DPY19L1: variants seen among roughly 807,000 people sequenced by gnomAD.
DPY19L1 encodes the protein dpy-19 like C-mannosyltransferase 1.
DPY19L1 carries 35 observed loss-of-function variants against 96.9 expected under a neutral mutation model. The ratio of observed to expected loss-of-function variants is 0.36; its 90% CI spans 0.28 to 0.48. The LOEUF (loss-of-function observed/expected upper bound fraction) is 0.48. Ranked by LOEUF, DPY19L1 falls within the 20% of genes least tolerant of loss-of-function variation. The pLI is 0.99. For synonymous variants in DPY19L1, 205 were observed against 252.6 expected (o/e 0.81, Z 1.79); for missense variants, 521 against 777.9 (o/e 0.67, Z 3.93).
intron 1 of DPY19L1, among the ~76,000 whole-genome samples, chr7:35,022,547 T>G (rs890304480): frequency 1.3e-5 from 2 of 152,178 alleles, no homozygotes; most frequent in African/African-American, 2.4e-5. Context: ...CTACTGAAAA[T>G]AATTCATCTC....
At chr7:35,033,677 C>G (rs1786317886) in intron 1 of DPY19L1, among the ~76,000 whole-genome samples, 1 of 152,060 alleles carries the variant, frequency 6.6e-6, no homozygotes, top group Admixed American at 6.6e-5. Context: ...CCACATTGCT[C>G]CCCCCATCTA....
rs184635202 is a variant in DPY19L1 at position 34,970,626 on chromosome 7, C to G, written c.915-1094G>C. Among the ~76,000 whole-genome samples the G allele has an allele frequency of 6.2e-3, 945 of 152,142 alleles. 7 individuals carry two copies. Among genetic ancestry groups the G allele is most frequent in the African/African-American group, 0.021 (884 of 41,518 alleles). On this transcript the variant is annotated intron_variant, in intron 8 of 21. Transcript: ENST00000638088. ...TTGAAAGCCACTATCTAAAATAAAG[C>G]ATTTCTCTACTGCTTTTGAATACTA...
chr7:34,943,853 T>A (rs1178303170), intron 16 of DPY19L1, among the ~76,000 whole-genome samples: 3 of 152,002 alleles, frequency 2.0e-5, no homozygotes, highest in African/African-American at 7.3e-5. Flanking sequence ...TCACCTCAAA[T>A]GAAAAATTTC....
At position 35,011,274 on chromosome 7, in the gene DPY19L1, G is replaced by C. The variant is rs183629626; in HGVS notation, c.670+56C>G. The C allele has an allele frequency of 2.1e-3, 3,242 of 1,578,464 alleles. 5 individuals are homozygous for C. Among genetic ancestry groups the C allele is most frequent in the Admixed American group, 3.7e-3 (206 of 56,352 alleles). ...TTTACAGTGTAAGTTTATTATGCTA[G>C]ATAAGTTTATTATGTTACAACAGAT... On this transcript the variant is annotated intron_variant, in intron 5 of 21. Transcript: ENST00000638088.
intron 10 of DPY19L1, among the ~76,000 whole-genome samples, chr7:34,959,927 A>ATATATATATATATAAATATATATATT (rs1784465893): frequency 4.4e-4 from 12 of 27,388 alleles, no homozygotes; most frequent in African/African-American, 2.5e-3. Flanking sequence ...ATATATATTT[A>ATATATATATATATAAATATATATATT]TATATATATA....
chr7:35,011,451 C>G lies in DPY19L1; in HGVS notation c.550-1G>C. The G allele has an allele frequency of 6.3e-7, 1 of 1,594,768 alleles. No homozygotes were observed. Among genetic ancestry groups the G allele is most frequent in the Non-Finnish European group, 8.5e-7 (1 of 1,174,530 alleles). Reference sequence around the variant, plus strand: ...TCCGGTACCAACTGGCCAAAATTACCTATTTTAAAAAATACAGAGGCATCT... The same window carrying G: ...TCCGGTACCAACTGGCCAAAATTACGTATTTTAAAAAATACAGAGGCATCT... On this transcript the variant is annotated splice_acceptor_variant, in intron 4 of 21. Transcript: ENST00000638088. LOFTEE classifies it high-confidence loss of function.
At chr7:35,025,143 T>C (rs776436356) in intron 1 of DPY19L1, among the ~76,000 whole-genome samples, 1 of 152,186 alleles carries the variant, frequency 6.6e-6, no homozygotes, top group Non-Finnish European at 1.5e-5. Context: ...AGACATTCTT[T>C]AGGATCCAGC....
At chr7:34,963,697 CGTGTGTGTGTGTGCGT>C (rs1732637082) in intron 10 of DPY19L1, among the ~76,000 whole-genome samples, 1 of 150,280 alleles carries the variant, frequency 6.7e-6, no homozygotes, top group Non-Finnish European at 1.5e-5. Flanking sequence ...TAAGCAGAAT[CGTGTGTGTGTGTGCGT>C]GTGTGTGTGT....
At chr7:35,011,131 T>C (rs1007040877) in intron 5 of DPY19L1, among the ~76,000 whole-genome samples, 199 bp downstream of exon 5, 6 of 152,152 alleles carry the variant, frequency 3.9e-5, no homozygotes, top group African/African-American at 2.4e-5. Context: ...ATTTGAGTCT[T>C]AGTAGCAGAG....
At chr7:34,934,573 G>A (rs1783825946) in intron 21 of DPY19L1, among the ~76,000 whole-genome samples, 1 of 152,062 alleles carries the variant, frequency 6.6e-6, no homozygotes, top group Admixed American at 6.5e-5. Context: ...AGCGGTCCCC[G>A]GTCTTTTTGG....
At chr7:34,975,315 A>G (rs1784809516) in intron 7 of DPY19L1, among the ~76,000 whole-genome samples, 1 of 152,248 alleles carries the variant, frequency 6.6e-6, no homozygotes. Flanking sequence ...ATACGCAGAC[A>G]GTTTTAATGT....
At chr7:35,027,567 C>T (rs1435860979) in intron 1 of DPY19L1, among the ~76,000 whole-genome samples, 5 of 151,260 alleles carry the variant, frequency 3.3e-5, no homozygotes, top group African/African-American at 4.9e-5. Context: ...CCATGGCTCA[C>T]GCCTGTAATC....
intron 7 of DPY19L1, among the ~76,000 whole-genome samples, chr7:34,979,900 T>C (rs556004957): frequency 2.0e-3 from 299 of 152,084 alleles, no homozygotes; most frequent in African/African-American, 6.8e-3. Flanking sequence ...GAGAGGGAAG[T>C]AGTGACAAAC....
At chr7:34,981,475 C>T (rs976313821) in intron 7 of DPY19L1, among the ~76,000 whole-genome samples, 4 of 152,030 alleles carry the variant, frequency 2.6e-5, no homozygotes, top group African/African-American at 9.7e-5. Flanking sequence ...AAGTATCATC[C>T]CTCATTTCAC....
At chr7:34,990,042 T>C in intron 6 of DPY19L1, 101 bp from the exon 7 acceptor site, 1 of 859,444 alleles carries the variant, frequency 1.2e-6, no homozygotes, top group Middle Eastern at 2.3e-4. Flanking sequence ...TTATATAAGA[T>C]TTTATAGTCA....
In DPY19L1 at chr7:34,931,480, T is replaced by C. The variant is rs1783750894; in HGVS notation, c.*93A>G. ...TTTTCTATTTGAAAACAGTTACCTA[T>C]AAAAGTTTTTGGGATATGAACAACA... On this transcript the variant is annotated 3_prime_UTR_variant, in exon 22 of 22. Transcript: ENST00000638088. The C allele has an allele frequency of 2.2e-6, 3 of 1,351,746 alleles. No individual in the cohort carries two copies. Among genetic ancestry groups the C allele is most frequent in the Non-Finnish European group, 2.9e-6 (3 of 1,043,002 alleles). 83.7% of individuals were successfully genotyped at this position (1,351,746 alleles called of 1,614,324 possible). A position where few individuals can be genotyped will look rare whatever the true frequency, so the allele number is the denominator to read the frequency against.
intron 13 of DPY19L1, among the ~76,000 whole-genome samples, chr7:34,950,441 A>T (rs1264896632): frequency 6.6e-6 from 1 of 152,208 alleles, no homozygotes; most frequent in Non-Finnish European, 1.5e-5. Context: ...ACACTGCCAC[A>T]TTTACCTCCC....
chr7:34,966,361 G>C (rs533875245), intron 10 of DPY19L1, among the ~76,000 whole-genome samples: 2 of 152,116 alleles, frequency 1.3e-5, no homozygotes, highest in African/African-American at 2.4e-5. Flanking sequence ...GCAGTGGTGT[G>C]ATCTTAGCTC....
intron 8 of DPY19L1, among the ~76,000 whole-genome samples, chr7:34,972,057 T>G (rs62461952): frequency 0.19 from 28,390 of 152,104 alleles, 2,993 homozygotes; most frequent in Admixed American, 0.35. Flanking sequence ...AAAGAAGGAC[T>G]TAATCTACCA....
Sources: allele counts gnomAD v4.1 joint callset (sites outside exome capture counted in the v4.1 genomes callset), GRCh38; gene constraint gnomAD v4.1.1; transcripts MANE v1.5; gene names NCBI Gene and HGNC (gene_info 2026-07-23, HGNC 2026-07-21).